The following GOLT1B variants were observed in gnomAD, a reference collection of about 807,000 sequenced individuals.
GOLT1B encodes the protein golgi transport 1B.
In GOLT1B, 3 loss-of-function variants were observed where a neutral mutation model predicts 15.4. The ratio of observed to expected loss-of-function variants is 0.19; its 90% CI spans 0.09 to 0.50. The LOEUF is 0.50. GOLT1B is among the 20% of genes least tolerant of loss of function. The pLI is 0.97. For synonymous variants in GOLT1B, 65 were observed against 56.2 expected (o/e 1.16, Z -0.70); for missense variants, 145 against 160.4 (o/e 0.90, Z 0.52).
chr12:21,513,860 C>G (rs1050510396), intron 4 of GOLT1B, among the ~76,000 whole-genome samples: 1 of 152,142 alleles, frequency 6.6e-6, no homozygotes, highest in African/African-American at 2.4e-5. Flanking sequence ...AACTACAGTC[C>G]TTGAGGGCAG....
rs1565583942 is a variant in GOLT1B at position 21,516,917 on chromosome 12, A to AT, written c.*1210_*1211insT. ...CTTAAGAACATGACACTAAAAAAAA[A>AT]GTGTTTTTTTTCCACCGTTGCTGAT... On this transcript the variant is annotated 3_prime_UTR_variant, in exon 5 of 5. Transcript: ENST00000229314. 6.6e-6 allele frequency: 1 copy of AT among 152,384 alleles called. No homozygotes were observed. Among genetic ancestry groups the AT allele is most frequent in the Non-Finnish European group, 1.5e-5 (1 of 67,874 alleles). The allele number at this position is 152,384 out of a possible 1,614,324, so 9.4% of individuals were successfully genotyped here. A position where few individuals can be genotyped will look rare whatever the true frequency, so the allele number is the denominator to read the frequency against.
At chr12:21,508,227 T>C in intron 2 of GOLT1B, 156 bp from the exon 3 acceptor site, 2 of 593,170 alleles carry the variant, frequency 3.4e-6, no homozygotes, top group Non-Finnish European at 5.9e-6. Flanking sequence ...TTGGTTCTGC[T>C]GCTTGGTTGT....
In GOLT1B at chr12:21,510,666, TAAAAC is replaced by T. The variant is rs139769178; in HGVS notation, c.297-1624_297-1620del. Among the ~76,000 whole-genome samples the T allele has an allele frequency of 3.7e-3, 569 of 152,320 alleles. 3 individuals carry two copies. The highest frequency in any genetic ancestry group is 0.012 in the African/African-American group (505 of 41,582). On this transcript the variant is annotated intron_variant, in intron 3 of 4. Coordinates refer to ENST00000229314, the MANE Select transcript of GOLT1B (RefSeq NM_016072.5). ...CATTTTTATGTTTTAAAACAATACTTAAAACAAAATAAATGATCTTTTGAATTCAT... is the reference window on the plus strand; with the variant it reads ...CATTTTTATGTTTTAAAACAATACTTAAAATAAATGATCTTTTGAATTCAT...
chr12:21,502,530 A>G (rs1943640751), intron 1 of GOLT1B, among the ~76,000 whole-genome samples: 1 of 152,206 alleles, frequency 6.6e-6, no homozygotes. Context: ...TCTACCTGCT[A>G]AAGTTTCAAG....
chr12:21,507,861 A>C (rs1943690805), intron 2 of GOLT1B: 1 of 424,664 alleles, frequency 2.4e-6, no homozygotes. Flanking sequence ...ATATTCTAGA[A>C]TTTATAAAAC....
In GOLT1B at chr12:21,501,902, C is replaced by T. The variant is rs1222662033; in HGVS notation, c.-22C>T. On this transcript the variant is annotated 5_prime_UTR_variant, in exon 1 of 5. Coordinates refer to ENST00000229314, the MANE Select transcript of GOLT1B (RefSeq NM_016072.5). ...CCTGGGCTTTCCGAGGTGCTGTCGC[C>T]GCTGTCCCCACCACTGCAGCCATGA... is the stretch of plus-strand genomic sequence containing the variant. The T allele has an allele frequency of 6.3e-7, 1 of 1,591,406 alleles. No individual in the cohort carries two copies. Among genetic ancestry groups the T allele is most frequent in the Admixed American group, 1.7e-5 (1 of 59,944 alleles).
intron 4 of GOLT1B, 62 bp from the exon 5 acceptor site, chr12:21,515,607 T>A: frequency 1.2e-6 from 1 of 824,348 alleles, no homozygotes; most frequent in Non-Finnish European, 2.0e-6. Flanking sequence ...TTTTAAATAT[T>A]GATATAATGT....
intron 3 of GOLT1B, among the ~76,000 whole-genome samples, chr12:21,509,700 T>C (rs150151475): frequency 2.6e-5 from 4 of 152,232 alleles, no homozygotes; most frequent in Non-Finnish European, 5.9e-5. Context: ...AGGTGAGAAA[T>C]GTTAACTGAT....
intron 3 of GOLT1B, among the ~76,000 whole-genome samples, chr12:21,510,346 T>C (rs1273697511): frequency 2.6e-5 from 4 of 152,170 alleles, no homozygotes; most frequent in African/African-American, 9.7e-5. Context: ...TTAAGCACCT[T>C]AAGAAGTAAG....
At position 21,516,259 on chromosome 12, in the gene GOLT1B, G is replaced by C. The variant is rs534949303; in HGVS notation, c.*552G>C. ...ACATGGTTAAAATAAAACTTTTGTG[G>C]TTCTTCTGAATCTTAATATTTCAAA... is the stretch of plus-strand genomic sequence containing the variant. On this transcript the variant is annotated 3_prime_UTR_variant, in exon 5 of 5. Transcript: ENST00000229314. 4 of 152,088 alleles carry C rather than the reference G, an allele frequency of 2.6e-5. No homozygotes were observed. In the East Asian group the frequency reaches 5.8e-4, roughly 22 times the overall value. The allele number at this position is 152,088 out of a possible 1,614,324, so 9.4% of individuals were successfully genotyped here.
chr12:21,511,215 G>C (rs1188019382), intron 3 of GOLT1B, among the ~76,000 whole-genome samples: 1 of 152,126 alleles, frequency 6.6e-6, no homozygotes, highest in East Asian at 1.9e-4. Flanking sequence ...ATTTACTAGA[G>C]AGGCTCACAG....
rs1943739974 is a variant in GOLT1B at position 21,514,148 on chromosome 12, C to A, written c.379-1521C>A. 2.6e-5 allele frequency among the ~76,000 whole-genome samples: 4 copies of A among 152,262 alleles called. No homozygotes were observed. The South Asian group carries it at 8.3e-4, about 32-fold the overall frequency. ...ACAATCCTTTTGGCTCTAGGTCAGA[C>A]CCATATCAGAAGTATTCATATCCTT... On this transcript the variant is annotated intron_variant, in intron 4 of 4. Transcript: ENST00000229314.
At chr12:21,513,457 A>G (rs1348137328) in intron 4 of GOLT1B, among the ~76,000 whole-genome samples, 1 of 151,974 alleles carries the variant, frequency 6.6e-6, no homozygotes, top group Non-Finnish European at 1.5e-5. Flanking sequence ...CTTCTATAAC[A>G]TTCCTGTGCA....
At chr12:21,515,366 A>G in intron 4 of GOLT1B, 2 of 632,940 alleles carry the variant, frequency 3.2e-6, no homozygotes, top group South Asian at 2.0e-5. Context: ...TTAAGCTAGC[A>G]GTGTTATCTT....
intron 1 of GOLT1B, among the ~76,000 whole-genome samples, chr12:21,505,463 C>G (rs545092980): frequency 5.3e-5 from 8 of 152,222 alleles, no homozygotes; most frequent in Admixed American, 4.6e-4. Context: ...GTATCAGCCT[C>G]AAATTTTCAT....
chr12:21,507,110 C>A (rs569639567), intron 2 of GOLT1B, 134 bp downstream of exon 2: 58 of 670,328 alleles, frequency 8.7e-5, no homozygotes, highest in South Asian at 3.8e-4. Context: ...TTCTCTATTT[C>A]CATCAGGAAT....
At chr12:21,502,335 T>G (rs1277979069) in intron 1 of GOLT1B, among the ~76,000 whole-genome samples, 1 of 152,232 alleles carries the variant, frequency 6.6e-6, no homozygotes, top group East Asian at 1.9e-4. Flanking sequence ...TTTATGCGCA[T>G]GACACACTTC....
At chr12:21,507,280 T>A (rs1176703663) in intron 2 of GOLT1B, 1 of 247,502 alleles carries the variant, frequency 4.0e-6, no homozygotes, top group South Asian at 5.5e-5. Flanking sequence ...TAGTTTCATG[T>A]CTTGATAAAT....
Position 21,501,943 on chromosome 12 carries a change from C to T in GOLT1B, c.20C>T (p.Thr7Met), listed in dbSNP as rs1445695470. The change falls in exon 1 of 5, where the codon ACG (threonine) becomes ATG (methionine). Residue 7 changes from threonine (T) to methionine (M), a missense_variant. Coordinates refer to ENST00000229314, the MANE Select transcript of GOLT1B (RefSeq NM_016072.5). ...GCAGCCATGATCTCCTTAACGGACA[C>T]GCAGAGTAAGCACCTGCTCCGGGGC... MISLTD[T>M]QKIGMGLTGF... 5.6e-6 allele frequency: 9 copies of T among 1,608,696 alleles called. No homozygotes were observed. Among genetic ancestry groups the T allele is most frequent in the Middle Eastern group, 3.3e-4 (2 of 6,072 alleles).
Sources: allele counts gnomAD v4.1 joint callset (sites outside exome capture counted in the v4.1 genomes callset), GRCh38; gene constraint gnomAD v4.1.1; transcripts MANE v1.5; gene names NCBI Gene and HGNC (gene_info 2026-07-23, HGNC 2026-07-21).